ATP11A: variants seen among roughly 807,000 people sequenced by gnomAD.
The protein encoded by ATP11A is phospholipid-transporting ATPase IH.
ATP11A carries 81 observed loss-of-function variants against 154.4 expected under a neutral mutation model. The observed-to-expected ratio is 0.52, with a 90% confidence interval of 0.44 to 0.63. The LOEUF (loss-of-function observed/expected upper bound fraction) is 0.63. Among genes scored for constraint, ATP11A ranks in the 30% least tolerant of loss-of-function variants. The probability of loss-of-function intolerance (pLI) is 0.00; values close to 1 mark genes in which losing one functional copy is unlikely to be tolerated. For missense variants in ATP11A, 1,316 were observed against 1,474.3 expected (o/e 0.89, Z 1.76); for synonymous variants, 623 against 585.9 (o/e 1.06, Z -0.91).
intron 1 of ATP11A, among the ~76,000 whole-genome samples, chr13:112,764,805 C>T (rs2077036482): frequency 6.6e-6 from 1 of 152,140 alleles, no homozygotes; most frequent in African/African-American, 2.4e-5. Flanking sequence ...GACCCAGGCA[C>T]GTTTTCTTAT....
chr13:112,822,750 A>G (rs1397742109), intron 8 of ATP11A, among the ~76,000 whole-genome samples: 1 of 151,978 alleles, frequency 6.6e-6, no homozygotes, highest in Non-Finnish European at 1.5e-5. Flanking sequence ...TTGCAAAAAA[A>G]AAAAAAAAAA....
chr13:112,743,992 T>G (rs1373029380), intron 1 of ATP11A, among the ~76,000 whole-genome samples: 1 of 152,264 alleles, frequency 6.6e-6, no homozygotes, highest in Non-Finnish European at 1.5e-5. Context: ...GTTTTCAGGT[T>G]AGAATATTTC....
chr13:112,747,708 C>T (rs867789784), intron 1 of ATP11A, among the ~76,000 whole-genome samples: 18 of 152,200 alleles, frequency 1.2e-4, no homozygotes, highest in Middle Eastern at 3.4e-3. Flanking sequence ...TTGTGGTGCA[C>T]GCCTGTAATC....
rs1051379574 is a variant in ATP11A at position 112,753,902 on chromosome 13, TAAAG to T, written c.40-31226_40-31223del. 3.9e-5 allele frequency among the ~76,000 whole-genome samples: 6 copies of T among 152,310 alleles called. No homozygotes were observed. Among genetic ancestry groups the T allele is most frequent in the Admixed American group, 6.5e-5 (1 of 15,304 alleles). On this transcript the variant is annotated intron_variant, in intron 1 of 29. Coordinates refer to ENST00000375645, the MANE Select transcript of ATP11A (RefSeq NM_015205.3). The surrounding 1 kb of genome is among the most constrained non-coding windows in gnomAD (Gnocchi z 4.1). ...TAAATTTAAAAACATGCTGAGGAAT[TAAAG>T]AAAGAAGCCATCTATGTTCTTCCTG...
At chr13:112,821,212 TCTTTATAGTTA>T (rs2078788769) in intron 8 of ATP11A, among the ~76,000 whole-genome samples, 1 of 152,226 alleles carries the variant, frequency 6.6e-6, no homozygotes, top group Non-Finnish European at 1.5e-5. Flanking sequence ...AGGCTTTTCA[TCTTTATAGTTA>T]GACCAAGTTT....
At position 112,812,853 on chromosome 13, in the gene ATP11A, G is replaced by A. The variant is rs139246949; in HGVS notation, c.441+2127G>A. 4.6e-5 allele frequency among the ~76,000 whole-genome samples: 7 copies of A among 152,352 alleles called. No homozygotes were observed. The East Asian group carries it at 1.3e-3, about 29-fold the overall frequency. ...GCCCTGGCCTGGGGAACAGCCGCGAGCTCCATGCCTGTGTCAGCAGGCATC... is the reference window on the plus strand; with the variant it reads ...GCCCTGGCCTGGGGAACAGCCGCGAACTCCATGCCTGTGTCAGCAGGCATC... On this transcript the variant is annotated intron_variant, in intron 5 of 29. Transcript: ENST00000375645.
intron 1 of ATP11A, among the ~76,000 whole-genome samples, chr13:112,713,758 G>A (rs1888041042): frequency 6.6e-6 from 1 of 152,128 alleles, no homozygotes; most frequent in African/African-American, 2.4e-5. Context: ...AGGATAAAAT[G>A]AAACCAGACA....
At chr13:112,823,710 C>T (rs985607492) in intron 9 of ATP11A, among the ~76,000 whole-genome samples, 47 of 152,338 alleles carry the variant, frequency 3.1e-4, no homozygotes, top group African/African-American at 9.6e-4. Flanking sequence ...TTCATGTCTG[C>T]GTTTCTTGAC....
intron 1 of ATP11A, among the ~76,000 whole-genome samples, chr13:112,726,500 C>T (rs957554454): frequency 3.3e-5 from 5 of 152,200 alleles, no homozygotes; most frequent in Non-Finnish European, 7.3e-5. Context: ...GAGCTTTTCC[C>T]GGCAGATTCC....
chr13:112,878,205 C>A lies in ATP11A; in HGVS notation c.3328-12C>A. Reference sequence around the variant, plus strand: ...CACCCCTGTGTGCGTGGCCGCTGACCTCGGGACTAAGACTAAGAGCCAGTG... The same window carrying A: ...CACCCCTGTGTGCGTGGCCGCTGACATCGGGACTAAGACTAAGAGCCAGTG... On this transcript the variant is annotated splice_polypyrimidine_tract_variant and intron_variant, in intron 28 of 29. Coordinates refer to ENST00000375645, the MANE Select transcript of ATP11A (RefSeq NM_015205.3). 6.2e-7 allele frequency: 1 copy of A among 1,613,996 alleles called. No individual in the cohort carries two copies. The highest frequency in any genetic ancestry group is 1.1e-5 in the South Asian group (1 of 91,080).
chr13:112,851,139 C>G lies in ATP11A; in HGVS notation c.1912C>G (p.Arg638Gly). Residue 638 changes from arginine to glycine, a missense_variant, in exon 18 of 30, where the codon CGA becomes GGA. Transcript: ENST00000375645. Reference protein sequence around the residue: ...LQAAKVALQDREKKLAEAYEQ... With the variant: ...LQAAKVALQDGEKKLAEAYEQ... ...GGCTGCCAAAGTGGCCCTTCAAGAT[C>G]GAGAGAAAAAGTTAGCAGAAGCCTA... 1 of 1,614,124 alleles carries G rather than the reference C, an allele frequency of 6.2e-7. No homozygotes were observed. Among genetic ancestry groups the G allele is most frequent in the Non-Finnish European group, 8.5e-7 (1 of 1,180,008 alleles).
chr13:112,840,412 T>C (rs74596684), intron 16 of ATP11A, among the ~76,000 whole-genome samples: 7 of 26,598 alleles, frequency 2.6e-4, no homozygotes, highest in Admixed American at 1.0e-3. Context: ...TCAGCCTCCT[T>C]ACTCTCCTGT....
Position 112,886,335 on chromosome 13 carries a change from G to T in ATP11A, c.*4469G>T, listed in dbSNP as rs7998551. On this transcript the variant is annotated 3_prime_UTR_variant, in exon 30 of 30. Coordinates refer to ENST00000375645, the MANE Select transcript of ATP11A (RefSeq NM_015205.3). ...GCTGTCGCGGGAAACCTCCAGCCTT[G>T]TTCTTCAAACCACTCAGCTCATGTG... 26,971 of 152,194 alleles carry T rather than the reference G, an allele frequency of 0.18. 2,650 individuals carry two copies. The highest frequency in any genetic ancestry group is 0.26 in the South Asian group (1,235 of 4,826). The allele number at this position is 152,194 out of a possible 1,614,324, so 9.4% of individuals were successfully genotyped here. A position where few individuals can be genotyped will look rare whatever the true frequency, so the allele number is the denominator to read the frequency against.
At chr13:112,788,149 C>A (rs1157093367) in intron 2 of ATP11A, among the ~76,000 whole-genome samples, 1 of 149,912 alleles carries the variant, frequency 6.7e-6, no homozygotes, top group Admixed American at 6.7e-5. Context: ...GATGTGTAGA[C>A]CCCTGTGGAG....
At chr13:112,736,767 C>T (rs1391775407) in intron 1 of ATP11A, among the ~76,000 whole-genome samples, 1 of 152,190 alleles carries the variant, frequency 6.6e-6, no homozygotes, top group Non-Finnish European at 1.5e-5. Flanking sequence ...ACTAAACTTA[C>T]ATTGAGACTA....
At position 112,857,923 on chromosome 13, in the gene ATP11A, G is replaced by A. The variant is rs1247462986; in HGVS notation, c.2521+3G>A. 21 of 1,613,980 alleles carry A rather than the reference G, an allele frequency of 1.3e-5. No homozygotes were observed. The highest frequency in any genetic ancestry group is 1.8e-5 in the Non-Finnish European group (21 of 1,179,942). On this transcript the variant is annotated splice_donor_region_variant and intron_variant, in intron 21 of 29. Transcript: ENST00000375645. ...TCTGGAAGCGCACGTGGGCATAGGTGAGCTTCGTCCTTGCTGCTGGCACAT... is the reference window on the plus strand; with the variant it reads ...TCTGGAAGCGCACGTGGGCATAGGTAAGCTTCGTCCTTGCTGCTGGCACAT...
At chr13:112,830,308 C>G (rs1245529695) in intron 12 of ATP11A, among the ~76,000 whole-genome samples, 1 of 152,190 alleles carries the variant, frequency 6.6e-6, no homozygotes, top group Admixed American at 6.5e-5. Flanking sequence ...GGCACAGTGG[C>G]TCATGCCTGT....
rs559779957 is a variant in ATP11A, at chr13:112,779,459, T to C, written c.40-5676T>C. 4.6e-5 allele frequency among the ~76,000 whole-genome samples: 7 copies of C among 152,254 alleles called. No individual in the cohort carries two copies. The South Asian group carries it at 1.4e-3, about 32-fold the overall frequency. On this transcript the variant is annotated intron_variant, in intron 1 of 29. Coordinates refer to ENST00000375645, the MANE Select transcript of ATP11A (RefSeq NM_015205.3). ...TGAGGAGTAGCCGCTGTGCTTCAGCTGGGACAGGGCAGCAATACCCCATCT... is the reference window on the plus strand; with the variant it reads ...TGAGGAGTAGCCGCTGTGCTTCAGCCGGGACAGGGCAGCAATACCCCATCT...
At chr13:112,792,018 C>T (rs752410354) in intron 2 of ATP11A, among the ~76,000 whole-genome samples, 48 of 152,200 alleles carry the variant, frequency 3.2e-4, no homozygotes, top group Non-Finnish European at 5.3e-4. Context: ...ATCTCAACCT[C>T]TGAGGACAGA....
Sources: allele counts gnomAD v4.1 joint callset (sites outside exome capture counted in the v4.1 genomes callset), GRCh38; gene constraint gnomAD v4.1.1; non-coding constraint Gnocchi (gnomAD v3.1); transcripts MANE v1.5; gene names NCBI Gene and HGNC (gene_info 2026-07-23, HGNC 2026-07-21).